SPOCK2: variants seen among roughly 807,000 people sequenced by gnomAD.
The protein encoded by SPOCK2 is SPARC (osteonectin), cwcv and kazal like domains proteoglycan 2.
SPOCK2 carries 39 observed loss-of-function variants against 60.1 expected under a neutral mutation model. That is an observed-to-expected ratio of 0.65 (90% CI 0.50 to 0.85). SPOCK2 has a LOEUF of 0.85. Ranked by LOEUF, SPOCK2 falls within the 40% of genes least tolerant of loss-of-function variation. The pLI is 0.00. For missense variants in SPOCK2, 523 were observed against 567.4 expected (o/e 0.92, Z 0.80); for synonymous variants, 217 against 231.5 (o/e 0.94, Z 0.57).
chr10:72,066,963 A>C lies in SPOCK2; in HGVS notation c.867T>G (p.Cys289Trp). 1.2e-6 allele frequency: 2 copies of C among 1,614,238 alleles called. No homozygotes were observed. Among genetic ancestry groups the C allele is most frequent in the Non-Finnish European group, 1.7e-6 (2 of 1,180,034 alleles). ...AGACCCGGCCATCCTTGTAGGTGTCACAGGAGTTGAAGAAGGGACGGATGC... is the reference window on the plus strand; with the variant it reads ...AGACCCGGCCATCCTTGTAGGTGTCCCAGGAGTTGAAGAAGGGACGGATGC... ...EVCIRPFFNS[C>W]DTYKDGRVST... The change falls in exon 8 of 11, where the codon TGT becomes TGG. Residue 289 changes from cysteine to tryptophan, a missense_variant. Transcript: ENST00000373109.
At chr10:72,085,666 C>T (rs1283704635) in intron 1 of SPOCK2, among the ~76,000 whole-genome samples, 6 of 152,098 alleles carry the variant, frequency 3.9e-5, no homozygotes, top group Non-Finnish European at 8.8e-5. Flanking sequence ...ATAGGGGGGC[C>T]CTGTACCATT....
At chr10:72,064,499 G>A (rs760804916) in intron 8 of SPOCK2, among the ~76,000 whole-genome samples, 48 of 152,160 alleles carry the variant, frequency 3.2e-4, no homozygotes, top group Non-Finnish European at 6.5e-4. Flanking sequence ...CCCATGAGAG[G>A]AGTAACAGGA....
intron 1 of SPOCK2, among the ~76,000 whole-genome samples, chr10:72,076,191 G>A (rs1840713140): frequency 1.3e-5 from 2 of 152,168 alleles, no homozygotes; most frequent in African/African-American, 4.8e-5. Context: ...GGAATGACGA[G>A]GAAGTCCTCT....
At chr10:72,069,148 A>G (rs1840611525) in intron 5 of SPOCK2, 1 of 159,550 alleles carries the variant, frequency 6.3e-6, no homozygotes, top group Non-Finnish European at 1.4e-5. Flanking sequence ...GTGGGACACT[A>G]GCTCCTCTTC....
chr10:72,062,897 C>T lies in SPOCK2; in HGVS notation c.1138G>A (p.Val380Met), dbSNP rs200859576. Residue 380 changes from valine (V) to methionine (M), a missense_variant, in exon 11 of 11, where the codon GTG becomes ATG. Transcript: ENST00000373109. The surrounding 1 kb of genome is among the most constrained non-coding windows in gnomAD (Gnocchi z 4.3). ...THGSPDCDDI[V>M]GFSGDFGSGV... ...CTTCCAAAGTCCCCCGAGAAGCCCA[C>T]GATGTCATCTGTGAGGGGATCAAGC... 8.3e-5 allele frequency: 132 copies of T among 1,598,252 alleles called. 1 individual carries two copies. In the Middle Eastern group the frequency reaches 3.8e-3, roughly 46 times the overall value.
At chr10:72,064,090 G>A in intron 9 of SPOCK2, 88 bp downstream of exon 9, 8 of 1,523,858 alleles carry the variant, frequency 5.2e-6, no homozygotes, top group Non-Finnish European at 7.1e-6. Flanking sequence ...TGTCTGCCAT[G>A]AGGCCCAAGG....
chr10:72,079,628 A>G (rs1478547655), intron 1 of SPOCK2, among the ~76,000 whole-genome samples: 2 of 152,240 alleles, frequency 1.3e-5, no homozygotes, highest in Middle Eastern at 3.4e-3. Flanking sequence ...TGTCATTTTA[A>G]TTAGCACCCA....
chr10:72,068,186 C>G lies in SPOCK2; in HGVS notation c.589+1G>C. 1 of 1,608,342 alleles carries G rather than the reference C, an allele frequency of 6.2e-7. No individual in the cohort carries two copies. Among genetic ancestry groups the G allele is most frequent in the South Asian group, 1.1e-5 (1 of 89,630 alleles). Reference sequence around the variant, plus strand: ...GCCTGGTGGCCCAGCACTGTCCTCACCTGGTTTGCCATCGGCGGTGGAGGT... The same window carrying G: ...GCCTGGTGGCCCAGCACTGTCCTCAGCTGGTTTGCCATCGGCGGTGGAGGT... On this transcript the variant is annotated splice_donor_variant, in intron 6 of 10. Coordinates refer to ENST00000373109, the MANE Select transcript of SPOCK2 (RefSeq NM_001244950.2). LOFTEE classifies it high-confidence loss of function.
rs1340996253 is a variant in SPOCK2, at chr10:72,059,196, G to C, written c.*3564C>G. On this transcript the variant is annotated 3_prime_UTR_variant, in exon 11 of 11. Coordinates refer to ENST00000373109, the MANE Select transcript of SPOCK2 (RefSeq NM_001244950.2). ...AGGCGGGGCGGGACGTGAGAGGATG[G>C]GGGCGCAGGGGAAAGGCAGGGCTGG... is the stretch of plus-strand genomic sequence containing the variant. 1 of 152,766 alleles carries C rather than the reference G, an allele frequency of 6.5e-6. No individual in the cohort carries two copies. The highest frequency in any genetic ancestry group is 1.5e-5 in the Non-Finnish European group (1 of 68,108). 9.5% of individuals were successfully genotyped at this position (152,766 alleles called of 1,614,324 possible). A position where few individuals can be genotyped will look rare whatever the true frequency, so the allele number is the denominator to read the frequency against.
chr10:72,081,026 C>T (rs568732878), intron 1 of SPOCK2, among the ~76,000 whole-genome samples: 93 of 152,268 alleles, frequency 6.1e-4, no homozygotes, highest in Non-Finnish European at 1.1e-3. Flanking sequence ...ACCCTGGCTT[C>T]CCTCCTGGAA....
In SPOCK2 at chr10:72,062,951, G is replaced by A; in HGVS notation, c.1130-46C>T. On this transcript the variant is annotated intron_variant, in intron 10 of 10. Coordinates refer to ENST00000373109, the MANE Select transcript of SPOCK2 (RefSeq NM_001244950.2). This position sits in a 1 kb window ranked among gnomAD's most constrained non-coding sequence, Gnocchi z 4.3. ...CAGGGGGTGAGGGAGCTTCTGGCAC[G>A]CACCCCCCAGCATCCCACGACAAGG... The A allele has an allele frequency of 3.8e-6, 6 of 1,585,360 alleles. No homozygotes were observed. The highest frequency in any genetic ancestry group is 1.1e-5 in the South Asian group (1 of 87,714).
chr10:72,089,007 G>A (rs961795620), upstream of SPOCK2: 3 of 152,374 alleles, frequency 2.0e-5, no homozygotes, highest in Admixed American at 6.5e-5. Context: ...GGGTGGCTTC[G>A]TTAAGACAAA....
chr10:72,067,055 T>A lies in SPOCK2; in HGVS notation c.775A>T (p.Thr259Ser), dbSNP rs746401244. ...TGGTCCAGGAAGAGGTCAGCACTGG[T>A]GTCCAGCTTGGAGAACATCCAGCCA... is the stretch of plus-strand genomic sequence containing the variant. ...SIGWMFSKLD[T>S]SADLFLDQTE... is the part of the protein sequence containing the mutation. The change falls in exon 8 of 11, where the codon ACC becomes TCC. Residue 259 changes from threonine to serine, a missense_variant. By Grantham distance (58) the Thr-to-Ser change is moderately conservative. Coordinates refer to ENST00000373109, the MANE Select transcript of SPOCK2 (RefSeq NM_001244950.2). 2.5e-6 allele frequency: 4 copies of A among 1,614,122 alleles called. No individual in the cohort carries two copies. The highest frequency in any genetic ancestry group is 2.7e-5 in the African/African-American group (2 of 74,936).
At chr10:72,076,210 G>T (rs1245565) in intron 1 of SPOCK2, among the ~76,000 whole-genome samples, 94,200 of 151,930 alleles carry the variant, frequency 0.62, 30,334 homozygotes, top group African/African-American at 0.81. Flanking sequence ...CTGGGCAGCT[G>T]GGGAGTGGCC....
intron 1 of SPOCK2, chr10:72,086,910 T>C (rs2131825795): frequency 6.4e-7 from 1 of 1,551,558 alleles, no homozygotes; most frequent in Non-Finnish European, 8.7e-7. Flanking sequence ...TCCAAGGAAC[T>C]TGTGGATGCA....
At chr10:72,086,252 A>G (rs564838045) in intron 1 of SPOCK2, 2 of 986,812 alleles carry the variant, frequency 2.0e-6, no homozygotes, top group South Asian at 4.7e-5. Flanking sequence ...TCTTCTGATG[A>G]GCATGAGAGG....
upstream of SPOCK2, chr10:72,088,757 A>C: frequency 1.3e-5 from 2 of 158,186 alleles, no homozygotes; most frequent in Non-Finnish European, 2.8e-5. Flanking sequence ...GAAATCCAGA[A>C]TCCCGAAATG....
chr10:72,062,558 C>T lies in SPOCK2; in HGVS notation c.*202G>A, dbSNP rs914084096. ...CATGCCACACACACACACACATACA[C>T]ACATGCATGCACACATGCACTCACA... On this transcript the variant is annotated 3_prime_UTR_variant, in exon 11 of 11. Transcript: ENST00000373109. The surrounding 1 kb of genome is among the most constrained non-coding windows in gnomAD (Gnocchi z 4.3). 2 of 934,960 alleles carry T rather than the reference C, an allele frequency of 2.1e-6. No individual in the cohort carries two copies. Among genetic ancestry groups the T allele is most frequent in the Admixed American group, 2.6e-5 (1 of 38,900 alleles). 57.9% of individuals were successfully genotyped at this position (934,960 alleles called of 1,614,324 possible). A position where few individuals can be genotyped will look rare whatever the true frequency, so the allele number is the denominator to read the frequency against.
intron 9 of SPOCK2, 64 bp from the exon 10 acceptor site, chr10:72,063,226 T>C (rs1195726870): frequency 6.5e-7 from 1 of 1,543,466 alleles, no homozygotes; most frequent in African/African-American, 1.4e-5. Context: ...CTCAGAGAGG[T>C]GACCTCAGGT....
Sources: gnomAD v4.1 joint callset for allele counts (sites outside exome capture counted in the v4.1 genomes callset) on GRCh38, gnomAD v4.1.1 for gene constraint, Gnocchi (gnomAD v3.1) non-coding constraint, MANE v1.5 for transcripts, NCBI Gene and HGNC (gene_info 2026-07-23, HGNC 2026-07-21) for gene names.